Variants in ASAP2 observed in about 807,000 individuals in gnomAD.
The protein encoded by ASAP2 is arf-GAP with SH3 domain, ANK repeat and PH domain-containing protein 2.
A neutral mutation model predicts 131.4 loss-of-function variants in ASAP2; 45 were observed. The observed-to-expected ratio is 0.34, with a 90% CI of 0.27 to 0.44. ASAP2 has a LOEUF of 0.44. Ranked by LOEUF, ASAP2 falls within the 20% of genes least tolerant of loss-of-function variation. The probability of loss-of-function intolerance (pLI) is 1.00; values close to 1 mark genes in which losing one functional copy is unlikely to be tolerated. For missense variants in ASAP2, 1,011 were observed against 1,297.0 expected (o/e 0.78, Z 3.39); for synonymous variants, 510 against 503.0 (o/e 1.01, Z -0.19).
intron 2 of ASAP2, among the ~76,000 whole-genome samples, chr2:9,287,449 C>T (rs1667537289): frequency 6.6e-6 from 1 of 152,196 alleles, no homozygotes; most frequent in African/African-American, 2.4e-5. Context: ...GGAGAAACCT[C>T]CTTGTAGGAC....
chr2:9,352,253 A>C (rs1672400665), intron 12 of ASAP2, among the ~76,000 whole-genome samples: 1 of 146,270 alleles, frequency 6.8e-6, no homozygotes, highest in Non-Finnish European at 1.5e-5. Flanking sequence ...ACACAAACAC[A>C]CACACCACTG....
intron 19 of ASAP2, among the ~76,000 whole-genome samples, chr2:9,380,344 T>C (rs898542857): frequency 6.6e-6 from 1 of 152,092 alleles, no homozygotes; most frequent in African/African-American, 2.4e-5. Context: ...ACCACAGGCA[T>C]GTGCCACCAC....
chr2:9,250,378 T>G (rs1406893322), intron 1 of ASAP2, among the ~76,000 whole-genome samples: 1 of 152,156 alleles, frequency 6.6e-6, no homozygotes, highest in East Asian at 1.9e-4. Context: ...TCCCTAGGGC[T>G]CCTGGAGTTC....
chr2:9,279,063 G>A (rs555592858), intron 1 of ASAP2, among the ~76,000 whole-genome samples: 193 of 122,144 alleles, frequency 1.6e-3, no homozygotes, highest in African/African-American at 5.7e-3. Context: ...GCATGCTGCA[G>A]GAGGAGGAGT....
Position 9,297,458 on chromosome 2 carries a change from G to A in ASAP2, c.345+13G>A. The A allele has an allele frequency of 6.2e-7, 1 of 1,613,776 alleles. No individual in the cohort carries two copies. The highest frequency in any genetic ancestry group is 1.1e-5 in the South Asian group (1 of 91,078). On this transcript the variant is annotated intron_variant, in intron 3 of 27. Coordinates refer to ENST00000281419, the MANE Select transcript of ASAP2 (RefSeq NM_003887.3). Reference sequence around the variant, plus strand: ...TTTCAAAAACCTGGTAAGCAGCTCTGTGTATGAAATGCTGCGGTTACTTCA... The same window carrying A: ...TTTCAAAAACCTGGTAAGCAGCTCTATGTATGAAATGCTGCGGTTACTTCA...
intron 2 of ASAP2, among the ~76,000 whole-genome samples, chr2:9,279,974 C>T (rs568970033): frequency 3.3e-5 from 5 of 151,978 alleles, no homozygotes; most frequent in South Asian, 4.1e-4. Context: ...ACAAATCCTA[C>T]GAGTGATACA....
intron 26 of ASAP2, 56 bp downstream of exon 26, chr2:9,400,886 G>A (rs1190882240): frequency 5.2e-6 from 8 of 1,533,884 alleles, no homozygotes; most frequent in Non-Finnish European, 7.2e-6. Context: ...GGTGCAGGTG[G>A]TTTCACAAGG....
chr2:9,377,953 T>C (rs375960088), intron 18 of ASAP2, among the ~76,000 whole-genome samples: 3 of 152,058 alleles, frequency 2.0e-5, no homozygotes, highest in African/African-American at 4.8e-5. Context: ...TTCGTAAACA[T>C]TTGGTTGATA....
chr2:9,394,770 G>T (rs1342691979), intron 24 of ASAP2, among the ~76,000 whole-genome samples: 6 of 152,218 alleles, frequency 3.9e-5, no homozygotes, highest in Non-Finnish European at 7.3e-5. Context: ...TTATTCTGCT[G>T]ACAGATTGTC....
intron 8 of ASAP2, 56 bp downstream of exon 8, chr2:9,334,869 T>G (rs1019220199): frequency 6.5e-7 from 1 of 1,533,728 alleles, no homozygotes. Context: ...ACAGACATTT[T>G]CATCTAAATG....
At chr2:9,317,081 CCACA>C (rs768816073) in intron 3 of ASAP2, among the ~76,000 whole-genome samples, 12 of 131,382 alleles carry the variant, frequency 9.1e-5, no homozygotes, top group East Asian at 8.2e-4. Flanking sequence ...AAAATCACAT[CCACA>C]CACACACTCA....
At chr2:9,280,928 A>G (rs1667092301) in intron 2 of ASAP2, among the ~76,000 whole-genome samples, 1 of 152,328 alleles carries the variant, frequency 6.6e-6, no homozygotes, top group Non-Finnish European at 1.5e-5. Context: ...GGGTGTTCCC[A>G]AGATGTCTGT....
chr2:9,403,472 C>A lies in ASAP2; in HGVS notation c.*145C>A. The A allele has an allele frequency of 1.6e-6, 1 of 617,126 alleles. No individual in the cohort carries two copies. The highest frequency in any genetic ancestry group is 2.7e-6 in the Non-Finnish European group (1 of 365,330). 38.2% of individuals were successfully genotyped at this position (617,126 alleles called of 1,614,324 possible). On this transcript the variant is annotated 3_prime_UTR_variant, in exon 28 of 28. Coordinates refer to ENST00000281419, the MANE Select transcript of ASAP2 (RefSeq NM_003887.3). ...CTGCTCTGTTTTAAAAACTCAGAGG[C>A]AATTTTTACATATCAGTAATTGTTT... is the stretch of plus-strand genomic sequence containing the variant.
At position 9,282,952 on chromosome 2, in the gene ASAP2, A is replaced by G. The variant is rs1372358431; in HGVS notation, c.199+3563A>G. 4.6e-5 allele frequency among the ~76,000 whole-genome samples: 7 copies of G among 152,280 alleles called. No homozygotes were observed. The East Asian group carries it at 1.4e-3, about 29-fold the overall frequency. On this transcript the variant is annotated intron_variant, in intron 2 of 27. Coordinates refer to ENST00000281419, the MANE Select transcript of ASAP2 (RefSeq NM_003887.3). Reference sequence around the variant, plus strand: ...TTGCACAGCCCCACCCAGTCTGTAAACGGACTCCCCCATCCCAGTCACCTG... The same window carrying G: ...TTGCACAGCCCCACCCAGTCTGTAAGCGGACTCCCCCATCCCAGTCACCTG...
chr2:9,390,499 C>T (rs973181105), intron 22 of ASAP2, among the ~76,000 whole-genome samples: 1 of 152,232 alleles, frequency 6.6e-6, no homozygotes, highest in African/African-American at 2.4e-5. Flanking sequence ...AATGCCATCT[C>T]TTGTGGGTCA....
chr2:9,312,252 A>G (rs1043374501), intron 3 of ASAP2, among the ~76,000 whole-genome samples: 1 of 152,144 alleles, frequency 6.6e-6, no homozygotes, highest in Admixed American at 6.5e-5. Flanking sequence ...TTATTTTCTG[A>G]TTAGAAAAGT....
At chr2:9,325,172 T>C (rs1454991477) in intron 6 of ASAP2, among the ~76,000 whole-genome samples, 6 of 152,260 alleles carry the variant, frequency 3.9e-5, no homozygotes, top group Admixed American at 1.3e-4. Flanking sequence ...ACACATTTTT[T>C]TGTAAACACA....
intron 17 of ASAP2, among the ~76,000 whole-genome samples, chr2:9,375,576 G>A (rs539412595): frequency 1.3e-5 from 2 of 152,268 alleles, no homozygotes; most frequent in South Asian, 4.1e-4. Flanking sequence ...ACTCAGTTTT[G>A]AAATAGACGC....
chr2:9,389,724 G>A lies in ASAP2; in HGVS notation c.2383+1178G>A, dbSNP rs533973416. On this transcript the variant is annotated intron_variant, in intron 22 of 27. Coordinates refer to ENST00000281419, the MANE Select transcript of ASAP2 (RefSeq NM_003887.3). The surrounding 1 kb of genome is among the most constrained non-coding windows in gnomAD (Gnocchi z 4.7). ...CCTGCTGAGAGCAGACCTTCCCCCAGGCAGGCCCAGAAGCCAGCTGCTTGC... is the reference window on the plus strand; with the variant it reads ...CCTGCTGAGAGCAGACCTTCCCCCAAGCAGGCCCAGAAGCCAGCTGCTTGC... 6.6e-6 allele frequency among the ~76,000 whole-genome samples: 1 copy of A among 152,300 alleles called. No homozygotes were observed. Among genetic ancestry groups the A allele is most frequent in the African/African-American group, 2.4e-5 (1 of 41,560 alleles).
Sources: gnomAD v4.1 joint callset for allele counts (sites outside exome capture counted in the v4.1 genomes callset) on GRCh38, gnomAD v4.1.1 for gene constraint, Gnocchi (gnomAD v3.1) non-coding constraint, MANE v1.5 for transcripts, NCBI Gene and HGNC (gene_info 2026-07-23, HGNC 2026-07-21) for gene names.